PEX5L: variants seen among roughly 807,000 people sequenced by gnomAD.
PEX5L encodes peroxisomal biogenesis factor 5 like.
In PEX5L, 30 loss-of-function variants were observed where a neutral mutation model predicts 84.0. The observed-to-expected ratio is 0.36, with a 90% CI of 0.27 to 0.48. The LOEUF is 0.48. Among genes scored for constraint, PEX5L ranks in the 20% least tolerant of loss-of-function variants. The pLI is 0.99. For synonymous variants in PEX5L, 270 were observed against 283.1 expected, an observed-to-expected ratio of 0.95 and a Z score of 0.46; for missense variants, 533 against 754.6, an observed-to-expected ratio of 0.71 and a Z score of 3.44.
At chr3:179,971,404 T>C (rs1397802238) in intron 2 of PEX5L, among the ~76,000 whole-genome samples, 190 bp downstream of exon 2, 1 of 152,178 alleles carries the variant, frequency 6.6e-6, no homozygotes, top group Non-Finnish European at 1.5e-5. Context: ...AATATGCATG[T>C]TGGCATCATG....
chr3:179,936,292 C>A (rs942964936), intron 2 of PEX5L, among the ~76,000 whole-genome samples: 1 of 152,064 alleles, frequency 6.6e-6, no homozygotes, highest in African/African-American at 2.4e-5. Context: ...CTTTATTTTT[C>A]AAGGTGCAAT....
At chr3:179,840,180 TG>T (rs1248708749) in intron 8 of PEX5L, among the ~76,000 whole-genome samples, 17 of 103,330 alleles carry the variant, frequency 1.6e-4, no homozygotes, top group African/African-American at 6.3e-4. Context: ...TGTGTGTGTG[TG>T]TGTTTTTTTT....
chr3:179,820,624 T>C (rs1201794086), intron 8 of PEX5L: 7 of 152,248 alleles, frequency 4.6e-5, no homozygotes, highest in Non-Finnish European at 1.0e-4. Flanking sequence ...GCAGGATTTT[T>C]TGAAAAATGC....
chr3:180,014,909 A>T (rs1789813578), intron 1 of PEX5L, among the ~76,000 whole-genome samples: 1 of 152,238 alleles, frequency 6.6e-6, no homozygotes, highest in South Asian at 2.1e-4. Context: ...TGTACTTACC[A>T]TAAGATGCTT....
At chr3:179,999,727 G>T (rs185362084) in intron 1 of PEX5L, among the ~76,000 whole-genome samples, 1 of 152,132 alleles carries the variant, frequency 6.6e-6, no homozygotes, top group African/African-American at 2.4e-5. Context: ...CACCATCATG[G>T]TATTCCACAC....
intron 1 of PEX5L, among the ~76,000 whole-genome samples, chr3:180,002,086 C>T (rs143786724): frequency 1.3e-5 from 2 of 152,116 alleles, no homozygotes; most frequent in African/African-American, 4.8e-5. Context: ...CTTTTTAATG[C>T]CTGCATGTTA....
chr3:179,876,335 TAAAAAAA>T (rs199838508), intron 5 of PEX5L, among the ~76,000 whole-genome samples: 3 of 141,932 alleles, frequency 2.1e-5, no homozygotes, highest in Admixed American at 2.1e-4. Context: ...TTCTACTAAA[TAAAAAAA>T]AAAAATGAAT....
intron 1 of PEX5L, among the ~76,000 whole-genome samples, chr3:180,011,393 G>C (rs1561060697): frequency 6.6e-6 from 1 of 152,110 alleles, no homozygotes; most frequent in African/African-American, 2.4e-5. Context: ...TACCAAAAAG[G>C]GCAGTGCAAG....
At chr3:179,817,378 T>C (rs1726564660) in intron 9 of PEX5L, among the ~76,000 whole-genome samples, 1 of 152,222 alleles carries the variant, frequency 6.6e-6, no homozygotes, top group Non-Finnish European at 1.5e-5. Flanking sequence ...TTCCCATGGA[T>C]AGGCTATATT....
chr3:179,908,738 G>A (rs13069301), intron 2 of PEX5L, among the ~76,000 whole-genome samples: 22,439 of 151,528 alleles, frequency 0.15, 1,784 homozygotes, highest in South Asian at 0.3. Context: ...TTGTCCTTGC[G>A]ATAGTTTGCT....
At chr3:179,925,701 A>C (rs1339706106) in intron 2 of PEX5L, among the ~76,000 whole-genome samples, 3 of 152,226 alleles carry the variant, frequency 2.0e-5, no homozygotes, top group Admixed American at 2.0e-4. Context: ...CGCTATCTCT[A>C]AATTTAGGAA....
At chr3:179,905,665 C>G (rs1379290350) in intron 2 of PEX5L, among the ~76,000 whole-genome samples, 2 of 146,322 alleles carry the variant, frequency 1.4e-5, no homozygotes, top group African/African-American at 5.0e-5. Flanking sequence ...TTTTTTTTTT[C>G]CTGACGATGC....
intron 2 of PEX5L, among the ~76,000 whole-genome samples, chr3:179,935,034 G>A (rs1053890145): frequency 6.6e-6 from 1 of 151,016 alleles, no homozygotes; most frequent in Non-Finnish European, 1.5e-5. Flanking sequence ...ATGAAGGCCT[G>A]TATGATCTTT....
chr3:179,867,682 G>A (rs573075547), intron 7 of PEX5L, among the ~76,000 whole-genome samples: 42 of 152,126 alleles, frequency 2.8e-4, no homozygotes, highest in Admixed American at 2.1e-3. Context: ...TCCTTGCCTC[G>A]CGGAGAGTAA....
chr3:179,920,544 C>A (rs537282681), intron 2 of PEX5L, among the ~76,000 whole-genome samples: 26 of 152,224 alleles, frequency 1.7e-4, no homozygotes, highest in African/African-American at 6.0e-4. Context: ...ACAGGTGAAC[C>A]TTACGTGTTT....
intron 8 of PEX5L, among the ~76,000 whole-genome samples, chr3:179,834,932 G>A (rs1248884422): frequency 1.3e-5 from 2 of 152,112 alleles, no homozygotes; most frequent in Non-Finnish European, 2.9e-5. Flanking sequence ...ATCCAATACG[G>A]CTGATTTCCT....
chr3:179,816,696 T>C (rs1726249539), intron 9 of PEX5L, among the ~76,000 whole-genome samples: 1 of 152,128 alleles, frequency 6.6e-6, no homozygotes, highest in South Asian at 2.1e-4. Context: ...TGTAACAAAC[T>C]TGCATGTTCT....
intron 8 of PEX5L, among the ~76,000 whole-genome samples, chr3:179,828,119 T>C (rs773810645): frequency 1.3e-4 from 20 of 152,142 alleles, no homozygotes; most frequent in Non-Finnish European, 2.1e-4. Context: ...CCCCAACCCC[T>C]GATGTCTCTT....
At chr3:180,003,465 G>A (rs1039296536) in intron 1 of PEX5L, among the ~76,000 whole-genome samples, 1 of 151,890 alleles carries the variant, frequency 6.6e-6, no homozygotes, top group Non-Finnish European at 1.5e-5. Flanking sequence ...ATATTTATTT[G>A]ACCAAATTTG....
Sources: gnomAD v4.1 joint callset for allele counts (sites outside exome capture counted in the v4.1 genomes callset) on GRCh38, gnomAD v4.1.1 for gene constraint, MANE v1.5 for transcripts, NCBI Gene and HGNC (gene_info 2026-07-23, HGNC 2026-07-21) for gene names.